ACE: variants seen among roughly 807,000 people sequenced by gnomAD.
ACE encodes angiotensin I converting enzyme, also known as angiotensin-converting enzyme.
A neutral mutation model predicts 162.3 loss-of-function variants in ACE; 122 were observed. The ratio of observed to expected loss-of-function variants is 0.75; its 90% confidence interval spans 0.65 to 0.87. The LOEUF (loss-of-function observed/expected upper bound fraction) is 0.87. ACE is among the 40% of genes least tolerant of loss of function. The probability of loss-of-function intolerance (pLI) is 0.00; values close to 1 mark genes in which losing one functional copy is unlikely to be tolerated. For missense variants in ACE, 1,799 were observed against 1,735.1 expected (o/e 1.04, Z -0.65); for synonymous variants, 796 against 720.6 (o/e 1.10, Z -1.68).
Position 63,496,922 on chromosome 17 carries a change from A to G in ACE, c.3628A>G (p.Thr1210Ala), listed in dbSNP as rs1304453464. The G allele has an allele frequency of 4.3e-6, 7 of 1,613,468 alleles. No individual in the cohort carries two copies. The highest frequency in any genetic ancestry group is 5.1e-6 in the Non-Finnish European group (6 of 1,179,974). ...CAAGCCGCTGCTGGACTGGCTCCGC[A>G]CGGAGAACGAGCTGCATGGGGAGAA... ...YFKPLLDWLR[T>A]ENELHGEKLG... Residue 1210 changes from threonine to alanine, a missense_variant, in exon 24 of 25, where the codon ACG (threonine) becomes GCG (alanine). Thr to Ala is a moderately conservative substitution (Grantham distance 58). Coordinates refer to ENST00000290866, the MANE Select transcript of ACE (RefSeq NM_000789.4).
chr17:63,494,157 T>G, intron 21 of ACE, 91 bp downstream of exon 21: 1 of 1,020,720 alleles, frequency 9.8e-7, no homozygotes, highest in Non-Finnish European at 1.4e-6. Context: ...GGTAGGGGAG[T>G]GTGTGTGTGT....
In ACE at chr17:63,484,947, C is replaced by T. The variant is rs1400803106; in HGVS notation, c.1922-289C>T. The T allele has an allele frequency of 1.2e-6, 2 of 1,600,182 alleles. No individual in the cohort carries two copies. The highest frequency in any genetic ancestry group is 1.3e-5 in the African/African-American group (1 of 74,644). Reference sequence around the variant, plus strand: ...TGCTACGGGCACCCTCTGCTGGTCCCCAGCCAGGAGGCATCCCAACAGGTG... The same window carrying T: ...TGCTACGGGCACCCTCTGCTGGTCCTCAGCCAGGAGGCATCCCAACAGGTG... On this transcript the variant is annotated intron_variant, in intron 12 of 24. Transcript: ENST00000290866. This position sits in a 1 kb window ranked among gnomAD's most constrained non-coding sequence, Gnocchi z 4.0.
Position 63,497,282 on chromosome 17 carries a change from G to T in ACE, c.3837G>T (p.Arg1279=). The T allele has an allele frequency of 6.4e-7, 1 of 1,557,410 alleles. No individual in the cohort carries two copies. ...TAGCCACCCTGGGCCTCAGCCAGCG[G>T]CTCTTCAGCATCCGCCACCGCAGCC... ...LLVATLGLSQ[R]LFSIRHRSLH... The change falls in exon 25 of 25, where the codon CGG becomes CGT. Residue 1279 remains arginine, a synonymous_variant. Coordinates refer to ENST00000290866, the MANE Select transcript of ACE (RefSeq NM_000789.4).
intron 13 of ACE, 170 bp from the exon 14 acceptor site, chr17:63,486,387 A>C (rs1157482706): frequency 1.4e-6 from 1 of 723,000 alleles, no homozygotes. Flanking sequence ...TACTGCATCC[A>C]GGACGTTATC....
rs140086153 is a variant in ACE, at chr17:63,484,387, C to T, written c.1767C>T (p.Val589=). 2.5e-5 allele frequency: 41 copies of T among 1,611,786 alleles called. No individual in the cohort carries two copies. The highest frequency in any genetic ancestry group is 1.8e-4 in the Admixed American group (11 of 59,940). Residue 589 remains valine, a synonymous_variant, in exon 12 of 25, where the codon GTC becomes GTT. Transcript: ENST00000290866. The surrounding 1 kb of genome is among the most constrained non-coding windows in gnomAD (Gnocchi z 4.0). The part of the protein sequence containing the change: ...RPWQEVLKDM[V]GLDALDAQPL... ...GGCAGGAGGTGCTGAAGGACATGGT[C>T]GGCTTAGATGCCCTGGATGCCCAGC...
At position 63,498,227 on chromosome 17, in the gene ACE, G is replaced by A. The variant is rs554008648; in HGVS notation, c.*861G>A. On this transcript the variant is annotated 3_prime_UTR_variant, in exon 25 of 25. Transcript: ENST00000290866. ...AGCTGCCAGCAGCCACCCTGCTGGC[G>A]TCCCAGCACACACCTCCTCACTCCC... 6.6e-5 allele frequency: 10 copies of A among 152,348 alleles called. No homozygotes were observed. Among genetic ancestry groups the A allele is most frequent in the South Asian group, 6.2e-4 (3 of 4,832 alleles). 9.4% of individuals were successfully genotyped at this position (152,348 alleles called of 1,614,324 possible). A position where few individuals can be genotyped will look rare whatever the true frequency, so the allele number is the denominator to read the frequency against.
Position 63,485,391 on chromosome 17 carries a change from C to A in ACE, c.2058+19C>A, listed in dbSNP as rs758077276. 4 of 1,613,618 alleles carry A rather than the reference C, an allele frequency of 2.5e-6. No individual in the cohort carries two copies. The highest frequency in any genetic ancestry group is 2.5e-6 in the Non-Finnish European group (3 of 1,179,800). Reference sequence around the variant, plus strand: ...GATTCTGGTGGGAGCCACCTCCCCACCCCCAAACCTGAGCATGTGCATACA... The same window carrying A: ...GATTCTGGTGGGAGCCACCTCCCCAACCCCAAACCTGAGCATGTGCATACA... On this transcript the variant is annotated intron_variant, in intron 13 of 24. Coordinates refer to ENST00000290866, the MANE Select transcript of ACE (RefSeq NM_000789.4).
In ACE at chr17:63,479,123, C is replaced by T. The variant is rs1480088492; in HGVS notation, c.511+23C>T. ...CAGGTACGGCCCTTGCAGCTCCCCT[C>T]TCGGCGGTGCCCTAGTGTTCCCACA... On this transcript the variant is annotated intron_variant, in intron 3 of 24. Coordinates refer to ENST00000290866, the MANE Select transcript of ACE (RefSeq NM_000789.4). 3.2e-6 allele frequency: 5 copies of T among 1,576,852 alleles called. No individual in the cohort carries two copies. The African/African-American group carries it at 5.4e-5, about 17-fold the overall frequency.
chr17:63,496,724 G>C, intron 23 of ACE, 74 bp from the exon 24 acceptor site: 29 of 1,598,962 alleles, frequency 1.8e-5, no homozygotes, highest in Non-Finnish European at 2.4e-5. Flanking sequence ...AGTGGGTATG[G>C]AGAGTGGATG....
Position 63,491,348 on chromosome 17 carries a change from C to T in ACE, c.2879C>T (p.Ser960Leu), listed in dbSNP as rs1420430019. 2.0e-5 allele frequency: 33 copies of T among 1,614,002 alleles called. No individual in the cohort carries two copies. The highest frequency in any genetic ancestry group is 4.5e-5 in the East Asian group (2 of 44,876). The change falls in exon 19 of 25, where the codon TCG (serine) becomes TTG (leucine). Residue 960 changes from serine to leucine, a missense_variant. Physicochemically the swap from Ser to Leu is moderately radical, Grantham distance 145. Transcript: ENST00000290866. The surrounding 1 kb of genome is among the most constrained non-coding windows in gnomAD (Gnocchi z 4.4). ...GGGCGGGAGGTGGTCTGCCACGCCT[C>T]GGCCTGGGACTTCTACAACGGCAAG... Reference protein sequence around the residue: ...TDGREVVCHASAWDFYNGKDF... With the variant: ...TDGREVVCHALAWDFYNGKDF...
At position 63,484,582 on chromosome 17, in the gene ACE, C is replaced by A; in HGVS notation, c.1921+41C>A. 1.3e-6 allele frequency: 2 copies of A among 1,577,720 alleles called. No homozygotes were observed. Among genetic ancestry groups the A allele is most frequent in the South Asian group, 1.1e-5 (1 of 87,156 alleles). On this transcript the variant is annotated intron_variant, in intron 12 of 24. Coordinates refer to ENST00000290866, the MANE Select transcript of ACE (RefSeq NM_000789.4). The surrounding 1 kb of genome is among the most constrained non-coding windows in gnomAD (Gnocchi z 4.0). ...AGGATGGTGTGGGGCTAAGGTGGGT[C>A]CTCAACTCTGGGCTTGGCCCAGGCC...
At chr17:63,479,204 T>G (rs879475364) in intron 3 of ACE, 104 bp downstream of exon 3, 12 of 986,616 alleles carry the variant, frequency 1.2e-5, no homozygotes, top group Non-Finnish European at 1.1e-5. Flanking sequence ...AGACAGCAGG[T>G]AAACCCAAAG....
intron 7 of ACE, among the ~76,000 whole-genome samples, chr17:63,482,253 A>C (rs1399876808): frequency 6.6e-6 from 1 of 151,746 alleles, no homozygotes; most frequent in Non-Finnish European, 1.5e-5. Context: ...GTGAGCTGAG[A>C]TTGTGCCACT....
Position 63,485,235 on chromosome 17 carries a change from G to A in ACE, c.1922-1G>A, listed in dbSNP as rs773306402. On this transcript the variant is annotated splice_acceptor_variant, in intron 12 of 24. Transcript: ENST00000290866. LOFTEE classifies it high-confidence loss of function. ...CTGTTTCCCTGCACTCTGTCCCACA[G>A]ACCTGGTGACTGATGAGGCTGAGGC... is the stretch of plus-strand genomic sequence containing the variant. 2 of 1,613,994 alleles carry A rather than the reference G, an allele frequency of 1.2e-6. No individual in the cohort carries two copies. Among genetic ancestry groups the A allele is most frequent in the African/African-American group, 2.7e-5 (2 of 74,932 alleles).
At position 63,483,131 on chromosome 17, in the gene ACE, G is replaced by T. The variant is rs757694144; in HGVS notation, c.1445G>T (p.Arg482Leu). ...DQWRWGVFSG[R>L]TPPSRYNFDW... The stretch of plus-strand genomic sequence containing the variant: ...TGGCGCTGGGGGGTCTTTAGTGGGC[G>T]TACCCCCCCTTCCCGCTACAACTTC... Residue 482 changes from arginine (R) to leucine (L), a missense_variant, in exon 9 of 25, where the codon CGT (arginine) becomes CTT (leucine). Coordinates refer to ENST00000290866, the MANE Select transcript of ACE (RefSeq NM_000789.4). The T allele has an allele frequency of 1.1e-5, 18 of 1,613,892 alleles. No individual in the cohort carries two copies. The highest frequency in any genetic ancestry group is 1.4e-5 in the Non-Finnish European group (16 of 1,180,000).
rs757421466 is a variant in ACE at position 63,480,371 on chromosome 17, G to A, written c.690G>A (p.Trp230Ter). 3.1e-6 allele frequency: 5 copies of A among 1,613,886 alleles called. No homozygotes were observed. Among genetic ancestry groups the A allele is most frequent in the Admixed American group, 1.7e-5 (1 of 60,006 alleles). Residue 230 changes from tryptophan (W) to a stop codon, truncating the protein, a stop_gained, in exon 5 of 25, where the codon TGG becomes TGA. Transcript: ENST00000290866. LOFTEE classifies it high-confidence loss of function. ...ACACGGGGGCCTACTGGCGCTCCTG[G>A]TACAACTCCCCCACCTTCGAGGACG... is the stretch of plus-strand genomic sequence containing the variant. ...FTDTGAYWRS[W>*]YNSPTFEDDL... is the part of the protein sequence containing the mutation.
chr17:63,493,454 C>T lies in ACE; in HGVS notation c.2931C>T (p.Thr977=), dbSNP rs768632989. ...TTCCTAGGATCAAGCAGTGCACCAC[C>T]GTGAACTTGGAGGACCTGGTGGTGG... ...GKDFRIKQCT[T]VNLEDLVVAH... Residue 977 remains threonine (T), a synonymous_variant, in exon 20 of 25, where the codon ACC becomes ACT. Transcript: ENST00000290866. 1.8e-5 allele frequency: 29 copies of T among 1,613,976 alleles called. No homozygotes were observed. The highest frequency in any genetic ancestry group is 1.2e-4 in the Admixed American group (7 of 60,000).
chr17:63,493,499 C>T lies in ACE; in HGVS notation c.2976C>T (p.His992=), dbSNP rs373198685. 27 of 1,614,048 alleles carry T rather than the reference C, an allele frequency of 1.7e-5. No homozygotes were observed. The highest frequency in any genetic ancestry group is 2.2e-5 in the East Asian group (1 of 44,834). The change falls in exon 20 of 25, where the codon CAC becomes CAT. Residue 992 remains histidine (H), a synonymous_variant. Coordinates refer to ENST00000290866, the MANE Select transcript of ACE (RefSeq NM_000789.4). ...DLVVAHHEMG[H]IQYFMQYKDL... is the part of the protein sequence containing the mutation. ...TGGTGGCCCACCACGAAATGGGCCA[C>T]ATCCAGTATTTCATGCAGTACAAAG...
intron 20 of ACE, 70 bp from the exon 21 acceptor site, chr17:63,493,852 C>T (rs907219579): frequency 5.0e-6 from 8 of 1,609,772 alleles, no homozygotes; most frequent in Admixed American, 1.7e-5. Context: ...CACCCCTCCA[C>T]CATCACAGGC....
Sources: allele counts gnomAD v4.1 joint callset (sites outside exome capture counted in the v4.1 genomes callset), GRCh38; gene constraint gnomAD v4.1.1; non-coding constraint Gnocchi (gnomAD v3.1); transcripts MANE v1.5; gene names NCBI Gene and HGNC (gene_info 2026-07-23, HGNC 2026-07-21).